The following NXN variants were observed in gnomAD, a reference collection of about 807,000 sequenced individuals.
NXN encodes the protein nucleoredoxin, also known as nucleoredoxin 1.
In NXN, 16 loss-of-function variants were observed where a neutral mutation model predicts 48.6. That is an observed-to-expected ratio of 0.33 (90% CI 0.22 to 0.50). The LOEUF (loss-of-function observed/expected upper bound fraction) is 0.50, where lower values mean the gene tolerates loss of function less well. Among genes scored for constraint, NXN ranks in the 20% least tolerant of loss-of-function variants. The pLI is 0.98. For missense variants in NXN, 492 were observed against 605.5 expected (o/e 0.81, Z 1.97); for synonymous variants, 281 against 269.6 (o/e 1.04, Z -0.41).
chr17:850,299 G>T (rs73975569), intron 1 of NXN, among the ~76,000 whole-genome samples: 1 of 152,180 alleles, frequency 6.6e-6, no homozygotes, highest in African/African-American at 2.4e-5. Flanking sequence ...CACGAGGTAC[G>T]AGGTACGCAG....
At chr17:936,287 G>A (rs2068906952) in intron 1 of NXN, among the ~76,000 whole-genome samples, 3 of 151,988 alleles carry the variant, frequency 2.0e-5, no homozygotes, top group Non-Finnish European at 4.4e-5. Flanking sequence ...CGTCCCCTGC[G>A]ACAAAGCCTT....
rs1209471934 is a variant in NXN at position 823,113 on chromosome 17, AG to A, written c.612+518del. 7.3e-4 allele frequency among the ~76,000 whole-genome samples: 103 copies of A among 140,612 alleles called. 3 individuals carry two copies. Among genetic ancestry groups the A allele is most frequent in the Non-Finnish European group, 3.3e-4 (21 of 63,102 alleles). The allele number at this position is 140,612 out of a possible 152,430, so 92.2% of individuals were successfully genotyped here. On this transcript the variant is annotated intron_variant, in intron 3 of 7. Transcript: ENST00000336868. ...AGACTCTGTCTCAAAAAAAAAAAAA[AG>A]GGGGCCAGGCACGATGGTTCATGCT...
chr17:892,592 T>A (rs1454380944), intron 1 of NXN, among the ~76,000 whole-genome samples: 3 of 142,522 alleles, frequency 2.1e-5, no homozygotes, highest in African/African-American at 7.6e-5. Context: ...ATAGCAGGTC[T>A]CGCAGTCTCA....
At position 919,247 on chromosome 17, in the gene NXN, C is replaced by T. The variant is rs947617122; in HGVS notation, c.360+60072G>A. On this transcript the variant is annotated intron_variant, in intron 1 of 7. Coordinates refer to ENST00000336868, the MANE Select transcript of NXN (RefSeq NM_022463.5). The surrounding 1 kb of genome is among the most constrained non-coding windows in gnomAD (Gnocchi z 5.1). The stretch of plus-strand genomic sequence containing the variant: ...GCGTCATGGCGGGCACCTGTAGTCC[C>T]AGTTCCTTGGGAGGCTGAAGCAGGA... Among the ~76,000 whole-genome samples the T allele has an allele frequency of 2.0e-5, 3 of 151,966 alleles. No individual in the cohort carries two copies. Among genetic ancestry groups the T allele is most frequent in the African/African-American group, 7.2e-5 (3 of 41,382 alleles).
chr17:853,972 G>A (rs907189274), intron 1 of NXN, among the ~76,000 whole-genome samples: 9 of 151,770 alleles, frequency 5.9e-5, no homozygotes, highest in East Asian at 2.0e-4. Context: ...CACCCACCTC[G>A]GCCTCCCAAA....
intron 1 of NXN, among the ~76,000 whole-genome samples, chr17:904,293 CGG>C: frequency 7.6e-6 from 1 of 131,552 alleles, no homozygotes; most frequent in African/African-American, 4.0e-5. Flanking sequence ...GCCCGGACGT[CGG>C]ACGCCGTCCG....
intron 1 of NXN, among the ~76,000 whole-genome samples, chr17:872,810 G>A (rs1482098589): frequency 6.6e-6 from 1 of 150,570 alleles, no homozygotes; most frequent in Non-Finnish European, 1.5e-5. Flanking sequence ...TAGTAGAGAC[G>A]GGTTTTTGCC....
rs1597652383 is a variant in NXN, at chr17:841,416, ACGGCG to A, written c.361-15343_361-15339del. Among the ~76,000 whole-genome samples the A allele has an allele frequency of 5.5e-4, 67 of 122,202 alleles. 4 individuals carry two copies. Among genetic ancestry groups the A allele is most frequent in the East Asian group, 1.1e-3 (5 of 4,688 alleles). The allele number at this position is 122,202 out of a possible 152,430, so 80.2% of individuals were successfully genotyped here. ...GCCGGCGAGCAGGTCCCCCCTGACCACGGCGCATCTCACACGGGCGAGCAGGTCCC... is the reference window on the plus strand; with the variant it reads ...GCCGGCGAGCAGGTCCCCCCTGACCACATCTCACACGGGCGAGCAGGTCCC... On this transcript the variant is annotated intron_variant, in intron 1 of 7. Transcript: ENST00000336868.
intron 1 of NXN, among the ~76,000 whole-genome samples, chr17:957,470 A>G (rs2069184082): frequency 6.6e-6 from 1 of 152,068 alleles, no homozygotes; most frequent in Admixed American, 6.6e-5. Flanking sequence ...CGTCTCTACT[A>G]AAAATACAAA....
intron 1 of NXN, chr17:842,426 G>A (rs1914379803): frequency 1.3e-6 from 1 of 742,160 alleles, no homozygotes; most frequent in African/African-American, 1.9e-5. Flanking sequence ...CCCGGGTCCG[G>A]CTGTGGGCTG....
At chr17:844,757 G>T (rs982886095) in intron 1 of NXN, among the ~76,000 whole-genome samples, 2 of 151,892 alleles carry the variant, frequency 1.3e-5, no homozygotes, top group African/African-American at 4.8e-5. Context: ...GCTAATTTTG[G>T]TATTTTTAGT....
intron 1 of NXN, chr17:905,113 T>C (rs1303893750): frequency 6.6e-6 from 1 of 152,126 alleles, no homozygotes; most frequent in African/African-American, 2.4e-5. Flanking sequence ...ACTGGAATTA[T>C]ATTAAAATTC....
At chr17:812,346 A>T (rs1471296853) in intron 5 of NXN, among the ~76,000 whole-genome samples, 1 of 152,210 alleles carries the variant, frequency 6.6e-6, no homozygotes. Flanking sequence ...GGCCAGGTGG[A>T]GGCGGCTCCC....
intron 5 of NXN, among the ~76,000 whole-genome samples, chr17:809,953 CTGTGTGAGTGGCGTGTACGTTACGAGT>C (rs1911832363): frequency 8.7e-6 from 1 of 115,532 alleles, no homozygotes; most frequent in Non-Finnish European, 1.9e-5. Context: ...CGTTACGAGT[CTGTGTGAGTGGCGTGTACGTTACGAGT>C]CTGTGAGTGG....
chr17:854,071 T>C (rs62068397), intron 1 of NXN, among the ~76,000 whole-genome samples: 5,053 of 152,182 alleles, frequency 0.033, 240 homozygotes, highest in East Asian at 0.25. Context: ...GTCCCCCCAC[T>C]GGACTACAAA....
At chr17:890,077 A>G (rs1220394511) in intron 1 of NXN, among the ~76,000 whole-genome samples, 1 of 152,194 alleles carries the variant, frequency 6.6e-6, no homozygotes, top group Admixed American at 6.5e-5. Context: ...CCTCATGTGT[A>G]AAGGATCTTA....
intron 1 of NXN, among the ~76,000 whole-genome samples, chr17:977,322 G>A (rs562462849): frequency 2.4e-4 from 36 of 152,308 alleles, no homozygotes; most frequent in African/African-American, 8.4e-4. Flanking sequence ...GTTTGGGCAC[G>A]TCCAGCACTC....
In NXN at chr17:889,753, A is replaced by AG. The variant is rs1555619028; in HGVS notation, c.361-63676_361-63675insC. Among the ~76,000 whole-genome samples the AG allele has an allele frequency of 9.6e-3, 378 of 39,486 alleles. 11 individuals are homozygous for AG. Among genetic ancestry groups the AG allele is most frequent in the African/African-American group, 0.034 (350 of 10,182 alleles). The allele number at this position is 39,486 out of a possible 152,430, so 25.9% of individuals were successfully genotyped here. On this transcript the variant is annotated intron_variant, in intron 1 of 7. Coordinates refer to ENST00000336868, the MANE Select transcript of NXN (RefSeq NM_022463.5). ...AAAGAAAGAAAGAAAGAAAGAAAGA[A>AG]AGAAAGAAAAAGAAAGAAAGAAAAG...
intron 1 of NXN, among the ~76,000 whole-genome samples, chr17:890,603 G>A (rs572528472): frequency 1.4e-4 from 21 of 151,616 alleles, no homozygotes; most frequent in African/African-American, 4.4e-4. Flanking sequence ...GGATGGTCTC[G>A]ATCTCCTGAC....
Sources: gnomAD v4.1 joint callset for allele counts (sites outside exome capture counted in the v4.1 genomes callset) on GRCh38, gnomAD v4.1.1 for gene constraint, Gnocchi (gnomAD v3.1) non-coding constraint, MANE v1.5 for transcripts, NCBI Gene and HGNC (gene_info 2026-07-23, HGNC 2026-07-21) for gene names.